Variants in TBL1XR1 observed in about 807,000 individuals in gnomAD.
TBL1XR1 encodes the protein F-box-like/WD repeat-containing protein TBL1XR1.
A neutral mutation model predicts 66.9 loss-of-function variants in TBL1XR1; 5 were observed. That is an observed-to-expected ratio of 0.07 (90% CI 0.04 to 0.16). The LOEUF (loss-of-function observed/expected upper bound fraction) is 0.16. Ranked by LOEUF, TBL1XR1 falls within the 10% of genes least tolerant of loss-of-function variation. TBL1XR1 has a pLI of 1.00. For synonymous variants in TBL1XR1, 210 were observed against 206.0 expected (o/e 1.02, Z -0.17); for missense variants, 238 against 623.2 (o/e 0.38, Z 6.58).
intron 1 of TBL1XR1, among the ~76,000 whole-genome samples, chr3:177,147,941 C>G (rs76104091): frequency 2.1e-3 from 327 of 152,338 alleles, no homozygotes; most frequent in African/African-American, 7.2e-3. Context: ...AACAGTACCA[C>G]ATTTCACAGG....
chr3:177,122,268 C>A (rs1727059889), intron 1 of TBL1XR1, among the ~76,000 whole-genome samples: 2 of 134,414 alleles, frequency 1.5e-5, no homozygotes, highest in African/African-American at 2.8e-5. Context: ...TCCTCTAATA[C>A]ATAACTTATA....
chr3:177,196,032 T>C (rs1004662156), intron 1 of TBL1XR1, among the ~76,000 whole-genome samples: 3 of 152,194 alleles, frequency 2.0e-5, no homozygotes, highest in Non-Finnish European at 4.4e-5. Flanking sequence ...AGAGAGCATT[T>C]TTTAAAAGCC....
rs889203948 is a variant in TBL1XR1 at position 177,089,043 on chromosome 3, G to A, written c.-46+9423C>T. Among the ~76,000 whole-genome samples, 3 of 152,274 alleles carry A rather than the reference G, an allele frequency of 2.0e-5. No individual in the cohort carries two copies. In the East Asian group the frequency reaches 5.8e-4, roughly 29 times the overall value. ...CTTTCTCGGCAGCGACCTGTTGGCA[G>A]GGTCACAACTCCTTGGGGTCTTGTC... On this transcript the variant is annotated intron_variant, in intron 2 of 15. Coordinates refer to ENST00000457928, the MANE Select transcript of TBL1XR1 (RefSeq NM_024665.7).
intron 1 of TBL1XR1, among the ~76,000 whole-genome samples, chr3:177,179,922 T>C (rs1394394438): frequency 6.6e-6 from 1 of 151,972 alleles, no homozygotes; most frequent in African/African-American, 2.4e-5. Context: ...ACAAACCAAG[T>C]AGAGAAGCAA....
intron 2 of TBL1XR1, chr3:177,079,562 G>A (rs1001178463): frequency 2.6e-5 from 4 of 151,200 alleles, no homozygotes; most frequent in Non-Finnish European, 5.9e-5. Flanking sequence ...AATTTTAATC[G>A]ACTGTTGCTA....
At chr3:177,183,212 C>G (rs114814561) in intron 1 of TBL1XR1, among the ~76,000 whole-genome samples, 2,413 of 152,206 alleles carry the variant, frequency 0.016, 57 homozygotes, top group African/African-American at 0.055. Flanking sequence ...ATTCTATACT[C>G]CTTTGAACGA....
intron 2 of TBL1XR1, among the ~76,000 whole-genome samples, chr3:177,086,391 G>GT (rs1722118965): frequency 6.6e-6 from 1 of 151,606 alleles, no homozygotes; most frequent in East Asian, 1.9e-4. Flanking sequence ...ACCATACTGG[G>GT]TAAGTCTAAA....
At chr3:177,083,905 T>C (rs1218651531) in intron 2 of TBL1XR1, among the ~76,000 whole-genome samples, 2 of 151,722 alleles carry the variant, frequency 1.3e-5, no homozygotes, top group African/African-American at 2.4e-5. Flanking sequence ...CTGGCCAACA[T>C]GATGAAACCC....
intron 1 of TBL1XR1, among the ~76,000 whole-genome samples, chr3:177,176,792 GCAGAAGAAAA>G (rs1209924671): frequency 6.6e-6 from 1 of 152,122 alleles, no homozygotes; most frequent in East Asian, 2.0e-4. Context: ...TCCAGCCTGG[GCAGAAGAAAA>G]ACTCTGTCTC....
At chr3:177,182,661 A>G (rs955949281) in intron 1 of TBL1XR1, among the ~76,000 whole-genome samples, 4 of 152,166 alleles carry the variant, frequency 2.6e-5, no homozygotes, top group African/African-American at 9.7e-5. Context: ...GCCTAGTGAG[A>G]TGAGGCAACA....
chr3:177,020,489 C>T lies in TBL1XR1; in HGVS notation c.*5009G>A, dbSNP rs896562806. ...AAAGTATATATCTTGGGAAACAATACGTTTATGAAAAACAGTGGTTTGGGT... is the reference window on the plus strand; with the variant it reads ...AAAGTATATATCTTGGGAAACAATATGTTTATGAAAAACAGTGGTTTGGGT... On this transcript the variant is annotated 3_prime_UTR_variant, in exon 16 of 16. Transcript: ENST00000457928. 1.3e-5 allele frequency: 2 copies of T among 151,902 alleles called. No homozygotes were observed. Among genetic ancestry groups the T allele is most frequent in the African/African-American group, 2.4e-5 (1 of 41,386 alleles). The allele number at this position is 151,902 out of a possible 1,614,324, so 9.4% of individuals were successfully genotyped here.
At chr3:177,105,209 C>T (rs1724724667) in intron 1 of TBL1XR1, among the ~76,000 whole-genome samples, 1 of 151,956 alleles carries the variant, frequency 6.6e-6, no homozygotes, top group African/African-American at 2.4e-5. Flanking sequence ...ACTGTTTTCC[C>T]CAAAATGTTA....
intron 1 of TBL1XR1, among the ~76,000 whole-genome samples, chr3:177,133,007 G>A (rs1189545837): frequency 6.6e-6 from 1 of 152,070 alleles, no homozygotes; most frequent in Non-Finnish European, 1.5e-5. Flanking sequence ...TAAATGAATC[G>A]GCCAGGTGCG....
chr3:177,153,381 TA>T (rs1013888981), intron 1 of TBL1XR1, among the ~76,000 whole-genome samples: 5 of 152,262 alleles, frequency 3.3e-5, no homozygotes, highest in Admixed American at 2.6e-4. Context: ...CCCAAACTAG[TA>T]AATACGCATG....
At position 177,157,984 on chromosome 3, in the gene TBL1XR1, GTTTTA is replaced by G. The variant is rs554241232; in HGVS notation, c.-122+39132_-122+39136del. 6.0e-3 allele frequency among the ~76,000 whole-genome samples: 912 copies of G among 152,134 alleles called. 6 individuals are homozygous for G. Among genetic ancestry groups the G allele is most frequent in the African/African-American group, 0.021 (864 of 41,502 alleles). ...ATCATAAATACTATCCTCGTTAAGT[GTTTTA>G]TTTTAGTTGTTTCCCCCCACCCCCA... On this transcript the variant is annotated intron_variant, in intron 1 of 15. Coordinates refer to ENST00000457928, the MANE Select transcript of TBL1XR1 (RefSeq NM_024665.7).
At chr3:177,125,214 A>C (rs1452122836) in intron 1 of TBL1XR1, among the ~76,000 whole-genome samples, 1 of 152,174 alleles carries the variant, frequency 6.6e-6, no homozygotes, top group Non-Finnish European at 1.5e-5. Context: ...GAAATACTAC[A>C]ACTCAATAAA....
chr3:177,058,464 T>C lies in TBL1XR1; in HGVS notation c.59-4546A>G, dbSNP rs556025509. On this transcript the variant is annotated intron_variant, in intron 3 of 15. Transcript: ENST00000457928. ...TGAACATTTTATATAAATAATACTT[T>C]CTGAAATAATTTTAATAGCATCATA... Among the ~76,000 whole-genome samples, 4 of 152,344 alleles carry C rather than the reference T, an allele frequency of 2.6e-5. No homozygotes were observed. The South Asian group carries it at 6.2e-4, about 24-fold the overall frequency.
intron 1 of TBL1XR1, among the ~76,000 whole-genome samples, chr3:177,123,554 A>G (rs146109023): frequency 8.8e-4 from 132 of 150,332 alleles, no homozygotes; most frequent in African/African-American, 3.1e-3. Flanking sequence ...ACTTCAAAGA[A>G]AAAAGATACC....
At chr3:177,148,377 T>A (rs1272688197) in intron 1 of TBL1XR1, among the ~76,000 whole-genome samples, 1 of 152,194 alleles carries the variant, frequency 6.6e-6, no homozygotes, top group Non-Finnish European at 1.5e-5. Flanking sequence ...AATTTAAAAT[T>A]CCCAGCTTCT....
Sources: allele counts gnomAD v4.1 joint callset (sites outside exome capture counted in the v4.1 genomes callset), GRCh38; gene constraint gnomAD v4.1.1; transcripts MANE v1.5; gene names NCBI Gene and HGNC (gene_info 2026-07-23, HGNC 2026-07-21).